The following MEX3D variants were observed in gnomAD, a reference collection of about 807,000 sequenced individuals.
MEX3D encodes mex-3 RNA binding family member D.
A neutral mutation model predicts 6.3 loss-of-function variants in MEX3D; 4 were observed. The observed-to-expected ratio is 0.64, with a 90% confidence interval of 0.31 to 1.46. The LOEUF is 1.46. Among genes scored for constraint, MEX3D ranks in the 40% most tolerant of loss-of-function variants. MEX3D has a pLI of 0.07. For synonymous variants in MEX3D, 626 were observed against 494.1 expected (o/e 1.27, Z -3.54); for missense variants, 1,038 against 994.4 (o/e 1.04, Z -0.59).
Position 1,555,924 on chromosome 19 carries a change from C to T in MEX3D, c.1595G>A (p.Arg532His), listed in dbSNP as rs1347013117. 9.2e-6 allele frequency: 11 copies of T among 1,193,764 alleles called. No homozygotes were observed. The East Asian group carries it at 2.0e-4, about 21-fold the overall frequency. 73.9% of individuals were successfully genotyped at this position (1,193,764 alleles called of 1,614,324 possible). A position where few individuals can be genotyped will look rare whatever the true frequency, so the allele number is the denominator to read the frequency against. The change falls in exon 2 of 2, where the codon CGT (arginine) becomes CAT (histidine). Residue 532 changes from arginine to histidine, a missense_variant. Physicochemically the swap from Arg to His is conservative, Grantham distance 29. Transcript: ENST00000402693. The stretch of plus-strand genomic sequence containing the variant: ...CGCGCCCACCGGGTCCGGGGCGCCA[C>T]GGCGAGACAGCGGGAGCTCCAGGCG... ...GLRLELPLSR[R>H]GAPDPVGALS...
chr19:1,568,271 T>TCGGCGG lies in MEX3D; in HGVS notation c.-219_-214dup, dbSNP rs944783200. Reference sequence around the variant, plus strand: ...CGGCGGCAGCGACTCTGGCTGCGGCTCGGCGGCGGCGGCGACGGCGGCGGC... The same window carrying TCGGCGG: ...CGGCGGCAGCGACTCTGGCTGCGGCTCGGCGGCGGCGGCGGCGGCGACGGCGGCGGC... On this transcript the variant is annotated 5_prime_UTR_variant, in exon 1 of 2. Transcript: ENST00000402693. Among the ~76,000 whole-genome samples, 5 of 130,886 alleles carry TCGGCGG rather than the reference T, an allele frequency of 3.8e-5. No individual in the cohort carries two copies. The highest frequency in any genetic ancestry group is 8.6e-3 in the Middle Eastern group (2 of 232). The allele number at this position is 130,886 out of a possible 152,430, so 85.9% of individuals were successfully genotyped here.
chr19:1,556,300 C>T lies in MEX3D; in HGVS notation c.1219G>A (p.Ala407Thr). The T allele has an allele frequency of 7.7e-7, 1 of 1,296,820 alleles. No individual in the cohort carries two copies. 80.3% of individuals were successfully genotyped at this position (1,296,820 alleles called of 1,614,324 possible). A position where few individuals can be genotyped will look rare whatever the true frequency, so the allele number is the denominator to read the frequency against. ...GAPSAPEAFY[A>T]GSRGGPSVPD... ...ACGGAGGGGCCGCCGCGGCTGCCCG[C>T]GTAGAAGGCCTCGGGGGCGCTGGGG... Residue 407 changes from alanine to threonine, a missense_variant, in exon 2 of 2, where the codon GCG (alanine) becomes ACG (threonine). Transcript: ENST00000402693. This position sits in a 1 kb window ranked among gnomAD's most constrained non-coding sequence, Gnocchi z 7.5.
intron 1 of MEX3D, among the ~76,000 whole-genome samples, chr19:1,565,746 G>C (rs1022978589): frequency 6.6e-6 from 1 of 152,216 alleles, no homozygotes; most frequent in Non-Finnish European, 1.5e-5. Context: ...AGCCCAGTAA[G>C]TGGGTGCAGA....
intron 1 of MEX3D, among the ~76,000 whole-genome samples, chr19:1,564,812 C>T (rs1277808389): frequency 6.6e-6 from 1 of 151,928 alleles, no homozygotes; most frequent in African/African-American, 2.4e-5. Context: ...GACAGAGAAG[C>T]ATGAGAAGTT....
At chr19:1,559,731 C>T (rs150312267) in intron 1 of MEX3D, among the ~76,000 whole-genome samples, 12 of 152,242 alleles carry the variant, frequency 7.9e-5, no homozygotes, top group South Asian at 2.1e-4. Context: ...GCACTTTTGA[C>T]GGGGAAGAAG....
chr19:1,555,388 G>A lies in MEX3D; in HGVS notation c.*175C>T, dbSNP rs572818823. 57 of 1,601,952 alleles carry A rather than the reference G, an allele frequency of 3.6e-5. No homozygotes were observed. The East Asian group carries it at 1.2e-3, about 33-fold the overall frequency. ...CGGGCTGCGGGGTCTCCGTCTCCACGCCTGAGGCGGCAGTTAAAGCTCATC... is the reference window on the plus strand; with the variant it reads ...CGGGCTGCGGGGTCTCCGTCTCCACACCTGAGGCGGCAGTTAAAGCTCATC... On this transcript the variant is annotated 3_prime_UTR_variant, in exon 2 of 2. Transcript: ENST00000402693.
chr19:1,567,828 C>A lies in MEX3D; in HGVS notation c.231G>T (p.Thr77=), dbSNP rs1402476202. ...SALGLGGAGD[T]DEEGAAGDGA... ...CGTCCCCGGCCGCCCCCTCCTCGTC[C>A]GTGTCGCCAGCGCCCCCCAGCCCGA... The change falls in exon 1 of 2, where the codon ACG becomes ACT. Residue 77 remains threonine, a synonymous_variant. Transcript: ENST00000402693. This position sits in a 1 kb window ranked among gnomAD's most constrained non-coding sequence, Gnocchi z 6.5. 15 of 999,244 alleles carry A rather than the reference C, an allele frequency of 1.5e-5. No individual in the cohort carries two copies. The highest frequency in any genetic ancestry group is 4.1e-5 in the South Asian group (1 of 24,606). 61.9% of individuals were successfully genotyped at this position (999,244 alleles called of 1,614,324 possible). A position where few individuals can be genotyped will look rare whatever the true frequency, so the allele number is the denominator to read the frequency against.
chr19:1,567,987 C>G lies in MEX3D; in HGVS notation c.72G>C (p.Ala24=), dbSNP rs1220882263. ...CAGGTCCGGGTCCGGGGTCCTCCCC[C>G]GCCGCCCCCACGCCGCCGCCGCCGC... ...GGGGGGGVGA[A]GEDPGPGPAP... The change falls in exon 1 of 2, where the codon GCG becomes GCC. Residue 24 remains alanine (A), a synonymous_variant. Transcript: ENST00000402693. This position sits in a 1 kb window ranked among gnomAD's most constrained non-coding sequence, Gnocchi z 6.5. 1.5e-5 allele frequency: 15 copies of G among 977,836 alleles called. No individual in the cohort carries two copies. Among genetic ancestry groups the G allele is most frequent in the Non-Finnish European group, 1.8e-5 (15 of 827,168 alleles). 60.6% of individuals were successfully genotyped at this position (977,836 alleles called of 1,614,324 possible). A position where few individuals can be genotyped will look rare whatever the true frequency, so the allele number is the denominator to read the frequency against.
rs1246802242 is a variant in MEX3D, at chr19:1,567,769, G to A, written c.290C>T (p.Ala97Val). ...GTCGGGGGGCACAGGCTCCGGAGCC[G>A]CCCCGCCGTCCGCGCCCCCCGCCGC... Reference protein sequence around the residue: ...AAAAGGADGGAAPEPVPPDGP... With the variant: ...AAAAGGADGGVAPEPVPPDGP... Residue 97 changes from alanine to valine, a missense_variant, in exon 1 of 2, where the codon GCG (alanine) becomes GTG (valine). Coordinates refer to ENST00000402693, the MANE Select transcript of MEX3D (RefSeq NM_203304.4). The surrounding 1 kb of genome is among the most constrained non-coding windows in gnomAD (Gnocchi z 6.5). 1 of 944,316 alleles carries A rather than the reference G, an allele frequency of 1.1e-6. No homozygotes were observed. The highest frequency in any genetic ancestry group is 1.3e-6 in the Non-Finnish European group (1 of 793,768). The allele number at this position is 944,316 out of a possible 1,614,324, so 58.5% of individuals were successfully genotyped here. A position where few individuals can be genotyped will look rare whatever the true frequency, so the allele number is the denominator to read the frequency against.
In MEX3D at chr19:1,555,322, C is replaced by T. The variant is rs1487798149; in HGVS notation, c.*241G>A. ...ACCTTTTCTCTCCGGTTTATTGTAA[C>T]CTGACCACTCAATACTGTCGTTGAA... is the stretch of plus-strand genomic sequence containing the variant. On this transcript the variant is annotated 3_prime_UTR_variant, in exon 2 of 2. Coordinates refer to ENST00000402693, the MANE Select transcript of MEX3D (RefSeq NM_203304.4). The T allele has an allele frequency of 6.3e-7, 1 of 1,597,892 alleles. No individual in the cohort carries two copies. Among genetic ancestry groups the T allele is most frequent in the East Asian group, 2.3e-5 (1 of 43,278 alleles).
In MEX3D at chr19:1,567,325, G is replaced by T. The variant is rs1038642830; in HGVS notation, c.595+139C>A. The T allele has an allele frequency of 9.0e-6, 9 of 1,001,764 alleles. No individual in the cohort carries two copies. Among genetic ancestry groups the T allele is most frequent in the Non-Finnish European group, 1.1e-5 (8 of 759,956 alleles). 62.1% of individuals were successfully genotyped at this position (1,001,764 alleles called of 1,614,324 possible). ...TGCAGGACAAAGGCGCAAAGGCAGC[G>T]GCCGAGGCCGGAGCCCACGCGGGGC... is the stretch of plus-strand genomic sequence containing the variant. On this transcript the variant is annotated intron_variant, in intron 1 of 1. Transcript: ENST00000402693. The surrounding 1 kb of genome is among the most constrained non-coding windows in gnomAD (Gnocchi z 6.5).
Position 1,555,439 on chromosome 19 carries a change from C to CG in MEX3D, c.*123_*124insC. Reference sequence around the variant, plus strand: ...TGTAAACACTGGCCGCCGCCCACCCCCCTGCCCCCTCGGCCTCCGCCCCTC... The same window carrying CG: ...TGTAAACACTGGCCGCCGCCCACCCCGCCTGCCCCCTCGGCCTCCGCCCCTC... On this transcript the variant is annotated 3_prime_UTR_variant, in exon 2 of 2. Coordinates refer to ENST00000402693, the MANE Select transcript of MEX3D (RefSeq NM_203304.4). 1 of 1,479,320 alleles carries CG rather than the reference C, an allele frequency of 6.8e-7. No individual in the cohort carries two copies. Among genetic ancestry groups the CG allele is most frequent in the Non-Finnish European group, 9.1e-7 (1 of 1,100,304 alleles). 91.6% of individuals were successfully genotyped at this position (1,479,320 alleles called of 1,614,324 possible).
intron 1 of MEX3D, among the ~76,000 whole-genome samples, chr19:1,564,468 G>C (rs1485793089): frequency 6.6e-6 from 1 of 151,108 alleles, no homozygotes; most frequent in Non-Finnish European, 1.5e-5. Context: ...GGGAGGTGGA[G>C]CTTGCAGTGA....
chr19:1,567,482 C>T lies in MEX3D; in HGVS notation c.577G>A (p.Glu193Lys), dbSNP rs1914871925. Residue 193 changes from glutamate to lysine, a missense_variant, in exon 1 of 2, where the codon GAG becomes AAG. Around this residue, in one of 5 missense-constraint regions of MEX3D, gnomAD observed 75 missense variants for 125.1 expected, o/e 0.60. Transcript: ENST00000402693. The surrounding 1 kb of genome is among the most constrained non-coding windows in gnomAD (Gnocchi z 6.5). ...CACTCACCCTGGCGACCCACGATCT[C>T]GGCGACGTGCTCGGAGCTGGGCACC... ...VPVPSSEHVA[E>K]IVGRQGCKIK... 1.3e-6 allele frequency: 2 copies of T among 1,571,760 alleles called. No homozygotes were observed. The highest frequency in any genetic ancestry group is 8.6e-7 in the Non-Finnish European group (1 of 1,159,940).
intron 1 of MEX3D, among the ~76,000 whole-genome samples, chr19:1,563,725 C>A (rs1055739269): frequency 4.6e-5 from 7 of 152,160 alleles, no homozygotes; most frequent in Non-Finnish European, 2.9e-5. Flanking sequence ...GGCTGCCTCC[C>A]CTCACCCCCA....
At position 1,555,889 on chromosome 19, in the gene MEX3D, G is replaced by T; in HGVS notation, c.1630C>A (p.Arg544=). ...AAGGATACGGGGCCCTGCGGGGGTC[G>T]CCAGGACAGCGCGCCCACCGGGTCC... ...APDPVGALSW[R]PPQGPVSFPG... Residue 544 remains arginine, a synonymous_variant, in exon 2 of 2, where the codon CGA becomes AGA. Coordinates refer to ENST00000402693, the MANE Select transcript of MEX3D (RefSeq NM_203304.4). The T allele has an allele frequency of 2.4e-6, 3 of 1,265,026 alleles. No homozygotes were observed. Among genetic ancestry groups the T allele is most frequent in the Non-Finnish European group, 3.0e-6 (3 of 1,005,880 alleles). 78.4% of individuals were successfully genotyped at this position (1,265,026 alleles called of 1,614,324 possible). A position where few individuals can be genotyped will look rare whatever the true frequency, so the allele number is the denominator to read the frequency against.
intron 1 of MEX3D, among the ~76,000 whole-genome samples, chr19:1,564,911 G>C (rs551976501): frequency 2.6e-5 from 4 of 152,140 alleles, no homozygotes; most frequent in African/African-American, 9.7e-5. Flanking sequence ...GAACGGGGTG[G>C]GTGGGAGAAG....
chr19:1,559,387 C>T (rs911702627), intron 1 of MEX3D, among the ~76,000 whole-genome samples: 1 of 152,232 alleles, frequency 6.6e-6, no homozygotes, highest in Non-Finnish European at 1.5e-5. Context: ...CCTGCCTTGG[C>T]CTCCCAAAGT....
chr19:1,558,196 C>G (rs951244458), intron 1 of MEX3D, among the ~76,000 whole-genome samples: 1 of 151,620 alleles, frequency 6.6e-6, no homozygotes, highest in African/African-American at 2.4e-5. Flanking sequence ...CCCATCTCTA[C>G]TACAAACAAC....
Sources: allele counts gnomAD v4.1 joint callset (sites outside exome capture counted in the v4.1 genomes callset), GRCh38; gene constraint gnomAD v4.1.1; regional missense constraint gnomAD v4.1.1; non-coding constraint Gnocchi (gnomAD v3.1); transcripts MANE v1.5; gene names NCBI Gene and HGNC (gene_info 2026-07-23, HGNC 2026-07-21).